CATSPERG: variants seen among roughly 807,000 people sequenced by gnomAD.
The protein encoded by CATSPERG is cation channel sperm-associated auxiliary subunit gamma.
In CATSPERG, 115 loss-of-function variants were observed where a neutral mutation model predicts 145.0. The observed-to-expected ratio is 0.79, with a 90% CI of 0.68 to 0.93. CATSPERG has a LOEUF of 0.93. Ranked by LOEUF, CATSPERG falls within the 40% of genes least tolerant of loss-of-function variation. The pLI is 0.00. For missense variants in CATSPERG, 1,296 were observed against 1,490.1 expected (o/e 0.87, Z 2.14); for synonymous variants, 588 against 589.0 (o/e 1.00, Z 0.02).
At chr19:38,352,595 C>CGT in intron 8 of CATSPERG, 163 bp downstream of exon 8, 1 of 214,960 alleles carries the variant, frequency 4.7e-6, no homozygotes, top group African/African-American at 3.2e-5. Context: ...TTGCCTTGCC[C>CGT]TTTTTTTTTT....
intron 13 of CATSPERG, among the ~76,000 whole-genome samples, chr19:38,359,041 G>A (rs941354026): frequency 1.3e-5 from 2 of 151,938 alleles, no homozygotes; most frequent in Non-Finnish European, 2.9e-5. Flanking sequence ...GTAGAGACGC[G>A]GTTTCACCAT....
Position 38,360,814 on chromosome 19 carries a change from C to T in CATSPERG, c.1851C>T (p.His617=), listed in dbSNP as rs747582278. The change falls in exon 16 of 29, where the codon CAC becomes CAT. Residue 617 remains histidine (H), a synonymous_variant. Transcript: ENST00000409235. The stretch of plus-strand genomic sequence containing the variant: ...AGCAGCTTCTGATGTATCAACAGCA[C>T]ACCAGCCACTATGACTTGGAGCGGA... ...PVEQLLMYQQ[H]TSHYDLERKG... 6.2e-7 allele frequency: 1 copy of T among 1,610,440 alleles called. No homozygotes were observed. The highest frequency in any genetic ancestry group is 8.5e-7 in the Non-Finnish European group (1 of 1,178,454).
intron 3 of CATSPERG, among the ~76,000 whole-genome samples, chr19:38,342,415 C>T (rs1450992542): frequency 1.3e-5 from 2 of 151,614 alleles, no homozygotes; most frequent in East Asian, 1.9e-4. Flanking sequence ...GGCTGGCCAA[C>T]GTGGTGAAAC....
chr19:38,353,726 G>A (rs1377019765), intron 8 of CATSPERG, among the ~76,000 whole-genome samples: 1 of 145,510 alleles, frequency 6.9e-6, no homozygotes, highest in Non-Finnish European at 1.5e-5. Flanking sequence ...AAAAAGGCCA[G>A]GCGCGGTGGC....
intron 7 of CATSPERG, among the ~76,000 whole-genome samples, chr19:38,347,356 C>T (rs1970057585): frequency 1.3e-5 from 2 of 151,712 alleles, no homozygotes; most frequent in South Asian, 4.2e-4. Flanking sequence ...CCAGCCTGGG[C>T]GACAGAGCCA....
chr19:38,357,887 G>C (rs1296491928), intron 11 of CATSPERG, among the ~76,000 whole-genome samples: 1 of 152,040 alleles, frequency 6.6e-6, no homozygotes, highest in Non-Finnish European at 1.5e-5. Flanking sequence ...GGGAGGCAGA[G>C]GTTGCAGTGA....
chr19:38,347,469 A>G (rs1970059981), intron 7 of CATSPERG, among the ~76,000 whole-genome samples: 1 of 152,242 alleles, frequency 6.6e-6, no homozygotes, highest in African/African-American at 2.4e-5. Flanking sequence ...TCTGCATTGC[A>G]ATATACATCT....
intron 3 of CATSPERG, among the ~76,000 whole-genome samples, chr19:38,343,212 G>A (rs1198567652): frequency 6.6e-6 from 1 of 152,026 alleles, no homozygotes; most frequent in East Asian, 1.9e-4. Context: ...GTGGAAAGCA[G>A]CACCCTGGGT....
At chr19:38,366,435 G>A (rs1970450031) in intron 22 of CATSPERG, 1 of 152,556 alleles carries the variant, frequency 6.6e-6, no homozygotes. Context: ...GTGGGCAAGG[G>A]GGAACGTGGT....
At chr19:38,368,472 C>G (rs1970493784) in intron 26 of CATSPERG, among the ~76,000 whole-genome samples, 1 of 152,224 alleles carries the variant, frequency 6.6e-6, no homozygotes, top group South Asian at 2.1e-4. Context: ...CCAGAGTGGA[C>G]AGCTCTGGGC....
At chr19:38,353,046 AAAAAAAG>A (rs1375593579) in intron 8 of CATSPERG, among the ~76,000 whole-genome samples, 1 of 148,924 alleles carries the variant, frequency 6.7e-6, no homozygotes, top group Non-Finnish European at 1.5e-5. Flanking sequence ...AAAAAAAAAA[AAAAAAAG>A]CTGGGCATGG....
At chr19:38,348,143 A>G (rs1009968499) in intron 7 of CATSPERG, among the ~76,000 whole-genome samples, 1 of 151,966 alleles carries the variant, frequency 6.6e-6, no homozygotes, top group African/African-American at 2.4e-5. Context: ...GTCTATTCAG[A>G]CATTGTTTAA....
chr19:38,349,465 C>G (rs1454515904), intron 7 of CATSPERG: 1 of 152,178 alleles, frequency 6.6e-6, no homozygotes, highest in African/African-American at 2.4e-5. Flanking sequence ...AGATTTCTCC[C>G]TGATGGCCTC....
chr19:38,364,406 C>T (rs1336921266), intron 20 of CATSPERG, among the ~76,000 whole-genome samples: 2 of 151,938 alleles, frequency 1.3e-5, no homozygotes, highest in African/African-American at 2.4e-5. Flanking sequence ...AGACGATGGG[C>T]GGCCGGGCAG....
At chr19:38,351,686 T>C (rs1230593576) in intron 7 of CATSPERG, among the ~76,000 whole-genome samples, 2 of 151,192 alleles carry the variant, frequency 1.3e-5, no homozygotes, top group African/African-American at 4.9e-5. Context: ...GCGGGAGGAT[T>C]GCTTGAGCAC....
In CATSPERG at chr19:38,358,746, A is replaced by T. The variant is rs548492011; in HGVS notation, c.1496+185A>T. On this transcript the variant is annotated intron_variant, in intron 13 of 28. Coordinates refer to ENST00000409235, the MANE Select transcript of CATSPERG (RefSeq NM_021185.5). ...AGGGTAGTCAGTGCTGGGATGGGGGAAGCCAATGTTTTAAAGCTGTGGGAG... is the reference window on the plus strand; with the variant it reads ...AGGGTAGTCAGTGCTGGGATGGGGGTAGCCAATGTTTTAAAGCTGTGGGAG... Among the ~76,000 whole-genome samples the T allele has an allele frequency of 3.3e-4, 50 of 152,316 alleles. No individual in the cohort carries two copies. The South Asian group carries it at 3.3e-3, about 10-fold the overall frequency.
intron 14 of CATSPERG, 118 bp from the exon 15 acceptor site, chr19:38,360,371 G>A (rs1970322887): frequency 1.7e-5 from 25 of 1,504,022 alleles, no homozygotes; most frequent in Non-Finnish European, 2.2e-5. Context: ...TCCCAGTGGA[G>A]GTGAGTTTCC....
chr19:38,353,838 AAAAATTAGC>A (rs1195741353), intron 8 of CATSPERG, among the ~76,000 whole-genome samples: 1 of 146,708 alleles, frequency 6.8e-6, no homozygotes, highest in Admixed American at 6.8e-5. Flanking sequence ...CTAAAAATAC[AAAAATTAGC>A]TGGGTGTGGT....
intron 8 of CATSPERG, 28 bp downstream of exon 8, chr19:38,352,460 C>T: frequency 6.5e-7 from 1 of 1,550,338 alleles, no homozygotes; most frequent in African/African-American, 1.4e-5. Flanking sequence ...GGACCCACGC[C>T]TGGGGAGGGC....
Sources: allele counts gnomAD v4.1 joint callset (sites outside exome capture counted in the v4.1 genomes callset), GRCh38; gene constraint gnomAD v4.1.1; transcripts MANE v1.5; gene names NCBI Gene and HGNC (gene_info 2026-07-23, HGNC 2026-07-21).